The following OVCH1 variants were observed in gnomAD, a reference collection of about 807,000 sequenced individuals.
The protein encoded by OVCH1 is ovochymase-1.
OVCH1 carries 139 observed loss-of-function variants against 138.4 expected under a neutral mutation model. The ratio of observed to expected loss-of-function variants is 1.00; its 90% CI spans 0.87 to 1.16. The LOEUF (loss-of-function observed/expected upper bound fraction) is 1.16, where lower values mean the gene tolerates loss of function less well. Among genes scored for constraint, OVCH1 ranks in the 50% most tolerant of loss-of-function variants. The pLI, the probability that OVCH1 is intolerant of heterozygous loss-of-function variation, is 0.00. For synonymous variants in OVCH1, 453 were observed against 467.8 expected (o/e 0.97, Z 0.41); for missense variants, 1,367 against 1,357.9 (o/e 1.01, Z -0.11).
intron 8 of OVCH1, 76 bp downstream of exon 8, chr12:29,486,174 G>T: frequency 7.5e-7 from 1 of 1,339,316 alleles, no homozygotes; most frequent in Non-Finnish European, 1.1e-6. Flanking sequence ...TGTGAATATG[G>T]TACAATCCTC....
At chr12:29,455,590 G>A (rs933273040) in intron 19 of OVCH1, among the ~76,000 whole-genome samples, 185 bp from the exon 20 acceptor site, 4 of 152,086 alleles carry the variant, frequency 2.6e-5, no homozygotes, top group Non-Finnish European at 5.9e-5. Context: ...CAAAATTTAT[G>A]AACAATCAGA....
chr12:29,474,563 CTAT>C (rs914375331), intron 14 of OVCH1, among the ~76,000 whole-genome samples: 1 of 152,180 alleles, frequency 6.6e-6, no homozygotes, highest in African/African-American at 2.4e-5. Context: ...CCTGCCTTTT[CTAT>C]TATTCCCTCC....
chr12:29,497,618 C>T lies in OVCH1; in HGVS notation c.64+5G>A, dbSNP rs1592128789. On this transcript the variant is annotated splice_donor_5th_base_variant and intron_variant, in intron 1 of 27. Transcript: ENST00000318184. ...CAGTCCTGGTGCCCAGGTCCCTAGG[C>T]TCACCTAGGCTTCTGGGGTGGCCGA... The T allele has an allele frequency of 6.2e-7, 1 of 1,613,748 alleles. No homozygotes were observed. The highest frequency in any genetic ancestry group is 2.2e-5 in the East Asian group (1 of 44,850).
At chr12:29,483,722 T>C (rs1016975362) in intron 8 of OVCH1, among the ~76,000 whole-genome samples, 61 of 152,298 alleles carry the variant, frequency 4.0e-4, no homozygotes, top group African/African-American at 1.4e-3. Flanking sequence ...TCTAATTCCC[T>C]TGGCATAGAA....
chr12:29,484,543 T>G (rs983403978), intron 8 of OVCH1, among the ~76,000 whole-genome samples, 170 bp downstream of exon 9: 1 of 152,136 alleles, frequency 6.6e-6, no homozygotes, highest in Admixed American at 6.5e-5. Context: ...TAATCCCTAC[T>G]ACTTAGTACG....
intron 7 of OVCH1, 26 bp downstream of exon 7, chr12:29,487,667 A>G (rs1042631401): frequency 2.6e-6 from 4 of 1,556,678 alleles, no homozygotes; most frequent in Non-Finnish European, 3.5e-6. Context: ...AGTTAGGATG[A>G]GATGAGGAAG....
At position 29,462,977 on chromosome 12, in the gene OVCH1, C is replaced by T. The variant is rs571706911; in HGVS notation, c.2126-969G>A. Among the ~76,000 whole-genome samples the T allele has an allele frequency of 2.8e-4, 43 of 152,256 alleles. 1 individual carries two copies. The South Asian group carries it at 5.0e-3, about 18-fold the overall frequency. On this transcript the variant is annotated intron_variant, in intron 18 of 27. Coordinates refer to ENST00000318184, the Ensembl canonical transcript of OVCH1. ...CTCTCCTAGCTGGAAAGAATGAATT[C>T]GTCTTTTATAAGACTACCTCTCAGT...
At chr12:29,402,511 A>AT in the OVCH1 span, among the ~76,000 whole-genome samples, 1 of 152,034 alleles carries the variant, frequency 6.6e-6, no homozygotes, top group Non-Finnish European at 1.5e-5. Context: ...GAAAGACAGA[A>AT]AAGGTTGGTA....
chr12:29,471,944 A>T (rs771640378), exon 16 of OVCH1: 1 of 1,613,384 alleles, frequency 6.2e-7, no homozygotes, highest in Non-Finnish European at 8.5e-7. Context: ...ATTCTTCTGG[A>T]AAGCCACTGG....
At chr12:29,485,142 G>A (rs756425040) in intron 8 of OVCH1, among the ~76,000 whole-genome samples, 12 of 151,832 alleles carry the variant, frequency 7.9e-5, no homozygotes, top group Non-Finnish European at 1.5e-4. Context: ...AAGCTGAGGC[G>A]GTTGCATCAC....
chr12:29,490,906 A>G (rs1203836521), intron 5 of OVCH1, among the ~76,000 whole-genome samples, 191 bp downstream of exon 5: 1 of 152,228 alleles, frequency 6.6e-6, no homozygotes, highest in Non-Finnish European at 1.5e-5. Context: ...TGGCAGCAGC[A>G]GGAGTGATAT....
chr12:29,476,354 T>A (rs1942715186), intron 12 of OVCH1, 55 bp from the exon 13 acceptor site: 1 of 1,399,814 alleles, frequency 7.1e-7, no homozygotes, highest in Admixed American at 1.7e-5. Context: ...AGAGAGAAGC[T>A]TAAAGGGTTT....
Position 29,464,138 on chromosome 12 carries a change from ATTAAG to A in OVCH1, c.2125+364_2125+368del, listed in dbSNP as rs368081518. On this transcript the variant is annotated intron_variant, in intron 18 of 27. Coordinates refer to ENST00000318184, the Ensembl canonical transcript of OVCH1. ...ATTAAATGAAATTTAAATTTTATAA[ATTAAG>A]TTCTGTTGGAACCCATTCTGTTACA... Among the ~76,000 whole-genome samples, 428 of 152,308 alleles carry A rather than the reference ATTAAG, an allele frequency of 2.8e-3. 1 individual carries two copies. The highest frequency in any genetic ancestry group is 9.8e-3 in the African/African-American group (409 of 41,572).
intron 8 of OVCH1, among the ~76,000 whole-genome samples, chr12:29,481,792 A>G (rs910229234): frequency 1.3e-5 from 2 of 152,152 alleles, no homozygotes; most frequent in African/African-American, 4.8e-5. Context: ...CAATGTTTCC[A>G]TCTCAGACAA....
intron 27 of OVCH1, among the ~76,000 whole-genome samples, chr12:29,429,027 C>G (rs1426201836): frequency 6.6e-6 from 1 of 152,084 alleles, no homozygotes. Flanking sequence ...AGTTTGACTC[C>G]CAGCACCTCC....
chr12:29,486,175 T>TA, intron 8 of OVCH1, 75 bp downstream of exon 8: 2 of 1,348,648 alleles, frequency 1.5e-6, no homozygotes, highest in Non-Finnish European at 2.1e-6. Flanking sequence ...GTGAATATGG[T>TA]ACAATCCTCC....
At chr12:29,408,866 T>C (rs1163678360), downstream of OVCH1, among the ~76,000 whole-genome samples, 1 of 152,168 alleles carries the variant, frequency 6.6e-6, no homozygotes, top group Non-Finnish European at 1.5e-5. Flanking sequence ...TTGATTGGAA[T>C]AGTTTCAGAA....
chr12:29,490,144 GCCTCAA>G (rs1337280342), intron 5 of OVCH1, among the ~76,000 whole-genome samples: 5 of 152,102 alleles, frequency 3.3e-5, no homozygotes, highest in Non-Finnish European at 7.4e-5. Flanking sequence ...GCTCACTGTA[GCCTCAA>G]CCTCCTGGGA....
Position 29,465,173 on chromosome 12 carries a change from T to A in OVCH1, c.1903A>T (p.Arg635Ter), listed in dbSNP as rs1942272974. 1.9e-6 allele frequency: 3 copies of A among 1,605,086 alleles called. No individual in the cohort carries two copies. The highest frequency in any genetic ancestry group is 2.6e-6 in the Non-Finnish European group (3 of 1,175,376). ...TGCTCTGTTGATTCCTTCAGGTTTC[T>A]GTCATGGTCCCCAGCAATAATAGTC... Residue 635 changes from arginine to a stop codon, truncating the protein, a stop_gained, in exon 17 of 28, where the codon AGA becomes TGA. Transcript: ENST00000318184. LOFTEE classifies it high-confidence loss of function.
Sources: gnomAD v4.1 joint callset for allele counts (sites outside exome capture counted in the v4.1 genomes callset) on GRCh38, gnomAD v4.1.1 for gene constraint, MANE v1.5 for transcripts, NCBI Gene and HGNC (gene_info 2026-07-23, HGNC 2026-07-21) for gene names.